The following IBTK variants were observed in gnomAD, a reference collection of about 807,000 sequenced individuals.
The protein encoded by IBTK is BTK-binding protein.
A neutral mutation model predicts 154.9 loss-of-function variants in IBTK; 83 were observed. The observed-to-expected ratio is 0.54, with a 90% CI of 0.45 to 0.64. The LOEUF is 0.64. Among genes scored for constraint, IBTK ranks in the 30% least tolerant of loss-of-function variants. IBTK has a pLI of 0.00. For missense variants in IBTK, 1,332 were observed against 1,584.6 expected, an observed-to-expected ratio of 0.84 and a Z score of 2.71; for synonymous variants, 515 against 536.1, an observed-to-expected ratio of 0.96 and a Z score of 0.54.
intron 4 of IBTK, among the ~76,000 whole-genome samples, chr6:82,228,960 T>A (rs1420155486): frequency 3.3e-5 from 5 of 152,042 alleles, no homozygotes; most frequent in African/African-American, 1.2e-4. Flanking sequence ...GAGCATGGAT[T>A]TTCGCTTTTA....
At chr6:82,180,003 T>TATAGGCAGGGGCTAATTTGTTCACC (rs141298857) in intron 26 of IBTK, among the ~76,000 whole-genome samples, 140,049 of 143,438 alleles carry the variant, frequency 0.98, 68,414 homozygotes, top group East Asian at 1. Context: ...GATAGTTCTA[T>TATAGGCAGGGGCTAATTTGTTCACC]ATAGGCAGGG....
chr6:82,210,396 T>TCTGTATC (rs1020149028), intron 16 of IBTK: 4 of 152,076 alleles, frequency 2.6e-5, no homozygotes, highest in Admixed American at 2.6e-4. Context: ...CCATGTAATC[T>TCTGTATC]CTGTATCATT....
rs1451648758 is a variant in IBTK, at chr6:82,215,230, G to A, written c.1602-401C>T. 2.0e-5 allele frequency among the ~76,000 whole-genome samples: 3 copies of A among 152,228 alleles called. No homozygotes were observed. The East Asian group carries it at 5.8e-4, about 29-fold the overall frequency. On this transcript the variant is annotated intron_variant, in intron 11 of 28. Coordinates refer to ENST00000306270, the MANE Select transcript of IBTK (RefSeq NM_015525.4). Reference sequence around the variant, plus strand: ...GACTTTCAATGTTAAAACTGGGGCAGGCCTGGGCAAACCAGGATGGATGAT... The same window carrying A: ...GACTTTCAATGTTAAAACTGGGGCAAGCCTGGGCAAACCAGGATGGATGAT...
At chr6:82,208,162 G>A (rs1313679030) in intron 16 of IBTK, among the ~76,000 whole-genome samples, 1 of 150,442 alleles carries the variant, frequency 6.6e-6, no homozygotes, top group East Asian at 1.9e-4. Flanking sequence ...TGACGGTTAT[G>A]TTAATTAGCT....
intron 12 of IBTK, among the ~76,000 whole-genome samples, chr6:82,214,017 G>A (rs1236946124): frequency 6.6e-6 from 1 of 151,830 alleles, no homozygotes; most frequent in African/African-American, 2.4e-5. Flanking sequence ...ATGCAGTGGC[G>A]CAATCTCGGC....
chr6:82,171,399 A>C lies in IBTK; in HGVS notation c.*26T>G, dbSNP rs759002757. 4 of 1,590,918 alleles carry C rather than the reference A, an allele frequency of 2.5e-6. No individual in the cohort carries two copies. The highest frequency in any genetic ancestry group is 3.4e-6 in the Non-Finnish European group (4 of 1,169,016). The stretch of plus-strand genomic sequence containing the variant: ...TATATGAACAAACTCATAATTATGT[A>C]AAATGCATCTCAACTCCACAGTGAA... On this transcript the variant is annotated 3_prime_UTR_variant, in exon 29 of 29. Coordinates refer to ENST00000306270, the MANE Select transcript of IBTK (RefSeq NM_015525.4).
At chr6:82,205,543 C>G (rs9294251) in intron 16 of IBTK, 36,289 of 152,128 alleles carry the variant, frequency 0.24, 4,393 homozygotes, top group African/African-American at 0.28. Context: ...GGAGGCAGAC[C>G]GACCACTTAA....
At chr6:82,172,740 A>G (rs1767970596) in intron 27 of IBTK, 1 of 445,234 alleles carries the variant, frequency 2.2e-6, no homozygotes, top group Admixed American at 3.9e-5. Context: ...AATTTTTTCC[A>G]GTGACCTACG....
chr6:82,236,972 A>C (rs1770740203), intron 2 of IBTK, among the ~76,000 whole-genome samples: 1 of 152,226 alleles, frequency 6.6e-6, no homozygotes, highest in African/African-American at 2.4e-5. Flanking sequence ...CAGGGCTCTG[A>C]TGCCAATAAG....
At position 82,244,630 on chromosome 6, in the gene IBTK, T is replaced by A. The variant is rs1056265381; in HGVS notation, c.-358+2932A>T. Among the ~76,000 whole-genome samples, 3 of 152,150 alleles carry A rather than the reference T, an allele frequency of 2.0e-5. No homozygotes were observed. The East Asian group carries it at 5.8e-4, about 29-fold the overall frequency. On this transcript the variant is annotated intron_variant, in intron 1 of 28. Transcript: ENST00000306270. Reference sequence around the variant, plus strand: ...ACTCTACCGTACACATGATTATAAATCCCCAAATCTGTCTCTTGCTCACAT... The same window carrying A: ...ACTCTACCGTACACATGATTATAAAACCCCAAATCTGTCTCTTGCTCACAT...
At chr6:82,229,185 C>T (rs879284090) in intron 4 of IBTK, among the ~76,000 whole-genome samples, 1 of 152,134 alleles carries the variant, frequency 6.6e-6, no homozygotes, top group African/African-American at 2.4e-5. Flanking sequence ...GTGCTTGCTT[C>T]ACCCTCATTC....
At chr6:82,233,348 G>A (rs1770588775) in intron 3 of IBTK, among the ~76,000 whole-genome samples, 1 of 151,846 alleles carries the variant, frequency 6.6e-6, no homozygotes, top group African/African-American at 2.4e-5. Flanking sequence ...CAAAAATAAT[G>A]ATAATTTCCA....
Position 82,211,548 on chromosome 6 carries a change from C to G in IBTK, c.2316G>C (p.Met772Ile), listed in dbSNP as rs1358336803. ...KKCSFLCDVT[M>I]KSVDGKEFPC... ...GAAATTCCTTTCCATCCACTGATTT[C>G]ATGGTCACGTCACACAGAAATGAAC... The change falls in exon 14 of 29, where the codon ATG becomes ATC. Residue 772 changes from methionine to isoleucine, a missense_variant. Met to Ile is a conservative substitution (Grantham distance 10). Transcript: ENST00000306270. 6.2e-7 allele frequency: 1 copy of G among 1,613,578 alleles called. No individual in the cohort carries two copies. Among genetic ancestry groups the G allele is most frequent in the African/African-American group, 1.3e-5 (1 of 74,926 alleles).
chr6:82,185,858 C>T (rs560620953), intron 25 of IBTK, among the ~76,000 whole-genome samples: 174 of 152,146 alleles, frequency 1.1e-3, no homozygotes, highest in Non-Finnish European at 1.7e-3. Context: ...TACTGAAGTG[C>T]TTTGCTTTGC....
intron 24 of IBTK, 43 bp downstream of exon 24, chr6:82,191,744 G>C (rs199801194): frequency 8.4e-7 from 1 of 1,184,430 alleles, no homozygotes; most frequent in African/African-American, 1.6e-5. Context: ...TCTTAGGGCA[G>C]AAATACAACA....
At chr6:82,199,676 A>T (rs532093768) in intron 21 of IBTK, among the ~76,000 whole-genome samples, 2 of 152,298 alleles carry the variant, frequency 1.3e-5, no homozygotes, top group South Asian at 2.1e-4. Flanking sequence ...AATCTCATCC[A>T]GTCACATCCT....
chr6:82,226,664 T>C (rs528161123), intron 5 of IBTK, among the ~76,000 whole-genome samples: 1 of 151,612 alleles, frequency 6.6e-6, no homozygotes, highest in African/African-American at 2.4e-5. Flanking sequence ...TGGAGTGCAA[T>C]GGCACAATCT....
intron 6 of IBTK, 112 bp downstream of exon 6, chr6:82,225,365 A>G: frequency 2.9e-6 from 2 of 698,342 alleles, no homozygotes; most frequent in South Asian, 3.6e-5. Context: ...ACTGAAGATA[A>G]AGTTAAATAA....
Position 82,191,062 on chromosome 6 carries a change from T to G in IBTK, c.3575+11A>C. 6.7e-7 allele frequency: 1 copy of G among 1,498,676 alleles called. No homozygotes were observed. The highest frequency in any genetic ancestry group is 8.9e-7 in the Non-Finnish European group (1 of 1,128,138). 92.8% of individuals were successfully genotyped at this position (1,498,676 alleles called of 1,614,324 possible). ...AAATCTATATTAATTTTAATAAAAA[T>G]AAGAGCATACCATGCATTCACTGGT... is the stretch of plus-strand genomic sequence containing the variant. On this transcript the variant is annotated intron_variant, in intron 25 of 28. Coordinates refer to ENST00000306270, the MANE Select transcript of IBTK (RefSeq NM_015525.4).
Sources: gnomAD v4.1 joint callset for allele counts (sites outside exome capture counted in the v4.1 genomes callset) on GRCh38, gnomAD v4.1.1 for gene constraint, MANE v1.5 for transcripts, NCBI Gene and HGNC (gene_info 2026-07-23, HGNC 2026-07-21) for gene names.